Variants in YAF2 observed in about 807,000 individuals in gnomAD.
The protein encoded by YAF2 is YY1 associated factor 2.
In YAF2, 7 loss-of-function variants were observed where a neutral mutation model predicts 20.1. That is an observed-to-expected ratio of 0.35 (90% confidence interval 0.20 to 0.65). The LOEUF is 0.65. Among genes scored for constraint, YAF2 ranks in the 30% least tolerant of loss-of-function variants. YAF2 has a pLI of 0.69. For missense variants in YAF2, 151 were observed against 219.2 expected (o/e 0.69, Z 1.96); for synonymous variants, 74 against 76.0 (o/e 0.97, Z 0.14).
chr12:42,170,853 C>T (rs1279396693), intron 2 of YAF2, among the ~76,000 whole-genome samples: 2 of 152,142 alleles, frequency 1.3e-5, no homozygotes, highest in Non-Finnish European at 2.9e-5. Flanking sequence ...ATCATTATTA[C>T]CCATATTCTT....
Position 42,237,689 on chromosome 12 carries a change from C to T in YAF2, c.62G>A (p.Gly21Asp), listed in dbSNP as rs764464792. 3 of 1,575,252 alleles carry T rather than the reference C, an allele frequency of 1.9e-6. No homozygotes were observed. Among genetic ancestry groups the T allele is most frequent in the Non-Finnish European group, 2.6e-6 (3 of 1,163,328 alleles). The stretch of plus-strand genomic sequence containing the variant: ...GGTGCAGACGCTACAGTCCCAGTAA[C>T]CCTCATCCGAGGACGGCTTCGGCTG... The part of the protein sequence containing the change: ...KRQPKPSSDE[G>D]YWDCSVCTFR... Residue 21 changes from glycine to aspartate, a missense_variant, in exon 2 of 4, where the codon GGT (glycine) becomes GAT (aspartate). Gly to Asp is a moderately conservative substitution (Grantham distance 94, BLOSUM62 -1). This residue lies in a region of YAF2 where 50 missense variants were observed against 58.3 expected (regional missense o/e 0.86). Transcript: ENST00000534854.
chr12:42,184,765 G>T (rs1446431174), intron 2 of YAF2, among the ~76,000 whole-genome samples: 1 of 152,214 alleles, frequency 6.6e-6, no homozygotes, highest in East Asian at 1.9e-4. Flanking sequence ...AGGGAAGGAG[G>T]TCTAAATATC....
chr12:42,194,068 T>C (rs1433906600), intron 2 of YAF2, among the ~76,000 whole-genome samples: 1 of 152,200 alleles, frequency 6.6e-6, no homozygotes, highest in African/African-American at 2.4e-5. Context: ...ATAATGAGTT[T>C]GCATTTTAAG....
intron 2 of YAF2, among the ~76,000 whole-genome samples, chr12:42,222,949 T>G (rs1041150114): frequency 1.3e-4 from 20 of 152,186 alleles, no homozygotes; most frequent in Admixed American, 6.5e-4. Flanking sequence ...TTTTTTTTTT[T>G]TTGTTACCAT....
At chr12:42,195,156 A>G (rs992974394) in intron 2 of YAF2, among the ~76,000 whole-genome samples, 1 of 152,224 alleles carries the variant, frequency 6.6e-6, no homozygotes, top group Non-Finnish European at 1.5e-5. Flanking sequence ...GGATAAAGAA[A>G]TCTAGAGAGA....
chr12:42,208,130 T>A (rs1260031220), intron 2 of YAF2, among the ~76,000 whole-genome samples: 1 of 152,110 alleles, frequency 6.6e-6, no homozygotes, highest in East Asian at 1.9e-4. Context: ...TGTATATTTT[T>A]AAAAAATAGC....
intron 2 of YAF2, among the ~76,000 whole-genome samples, chr12:42,174,117 C>A (rs1188432950): frequency 6.8e-6 from 1 of 146,468 alleles, no homozygotes; most frequent in Non-Finnish European, 1.5e-5. Flanking sequence ...AAAAAAAAAA[C>A]TCTTTCCTGA....
At chr12:42,234,210 AAAAGAAAAGAAAAGAAAAG>A (rs1359442274) in intron 2 of YAF2, 5 of 973,800 alleles carry the variant, frequency 5.1e-6, no homozygotes, top group Non-Finnish European at 6.1e-6. Context: ...AAAAGAAAAG[AAAAGAAAAGAAAAGAAAAG>A]AAAGAAAAGA....
chr12:42,163,167 A>T (rs981203900), intron 2 of YAF2, among the ~76,000 whole-genome samples: 6 of 151,928 alleles, frequency 3.9e-5, no homozygotes, highest in Non-Finnish European at 8.8e-5. Flanking sequence ...ACCACACTTT[A>T]AAAAAAAGCT....
chr12:42,233,523 T>G, intron 2 of YAF2: 1 of 973,126 alleles, frequency 1.0e-6, no homozygotes, highest in Non-Finnish European at 1.2e-6. Flanking sequence ...CAGAATTTTG[T>G]TTTTTTGAGA....
chr12:42,210,661 G>GT, intron 2 of YAF2: 1 of 1,535,776 alleles, frequency 6.5e-7, no homozygotes, highest in Non-Finnish European at 8.7e-7. Context: ...TTACTGGTAA[G>GT]TGATCCAGCT....
intron 2 of YAF2, among the ~76,000 whole-genome samples, chr12:42,198,866 T>C (rs904111472): frequency 6.6e-6 from 1 of 152,206 alleles, no homozygotes; most frequent in African/African-American, 2.4e-5. Flanking sequence ...GTCTGTGCTG[T>C]TCAATACAGC....
At chr12:42,205,252 T>C (rs2137186949) in intron 2 of YAF2, among the ~76,000 whole-genome samples, 1 of 152,226 alleles carries the variant, frequency 6.6e-6, no homozygotes, top group African/African-American at 2.4e-5. Context: ...ATTATAGTTG[T>C]ACTTATACCT....
At chr12:42,174,205 T>A (rs12310800) in intron 2 of YAF2, among the ~76,000 whole-genome samples, 2,283 of 152,214 alleles carry the variant, frequency 0.015, 55 homozygotes, top group African/African-American at 0.052. Flanking sequence ...ATACTCACTC[T>A]ATACTTTTCC....
intron 2 of YAF2, among the ~76,000 whole-genome samples, chr12:42,177,546 C>T (rs185332407): frequency 6.6e-6 from 1 of 152,276 alleles, no homozygotes; most frequent in East Asian, 1.9e-4. Context: ...TCCACTTTTA[C>T]GAGTTCATTT....
At chr12:42,223,806 A>G (rs535061675) in intron 2 of YAF2, among the ~76,000 whole-genome samples, 12 of 149,786 alleles carry the variant, frequency 8.0e-5, no homozygotes, top group East Asian at 6.1e-4. Flanking sequence ...GTTCTCACTC[A>G]TAAGTGGGAG....
At chr12:42,228,731 C>T (rs2067870641) in intron 2 of YAF2, among the ~76,000 whole-genome samples, 1 of 81,886 alleles carries the variant, frequency 1.2e-5, no homozygotes, top group African/African-American at 6.5e-5. Flanking sequence ...CCGGCCGCCC[C>T]TACTGGGAAG....
chr12:42,191,185 CTG>C, intron 2 of YAF2, among the ~76,000 whole-genome samples: 1 of 152,272 alleles, frequency 6.6e-6, no homozygotes, highest in South Asian at 2.1e-4. Context: ...ACTCCCATTA[CTG>C]TCTCTCTCTT....
chr12:42,160,458 C>T lies in YAF2; in HGVS notation c.*131G>A. On this transcript the variant is annotated 3_prime_UTR_variant, in exon 4 of 4. Coordinates refer to ENST00000534854, the MANE Select transcript of YAF2 (RefSeq NM_005748.6). ...AAATCTAACAAATTCTAACAAATTTCTATTTTATGTAAAACTCAAATTATG... is the reference window on the plus strand; with the variant it reads ...AAATCTAACAAATTCTAACAAATTTTTATTTTATGTAAAACTCAAATTATG... The T allele has an allele frequency of 8.5e-6, 6 of 706,814 alleles. No individual in the cohort carries two copies. In the South Asian group the frequency reaches 1.0e-4, roughly 12 times the overall value. The allele number at this position is 706,814 out of a possible 1,614,324, so 43.8% of individuals were successfully genotyped here. A position where few individuals can be genotyped will look rare whatever the true frequency, so the allele number is the denominator to read the frequency against.
Sources: gnomAD v4.1 joint callset for allele counts (sites outside exome capture counted in the v4.1 genomes callset) on GRCh38, gnomAD v4.1.1 for gene constraint, gnomAD v4.1.1 regional missense constraint, MANE v1.5 for transcripts, NCBI Gene and HGNC (gene_info 2026-07-23, HGNC 2026-07-21) for gene names.